The following ROBO1 variants were observed in gnomAD, a reference collection of about 807,000 sequenced individuals.
ROBO1 encodes the protein roundabout guidance receptor 1.
In ROBO1, 149 loss-of-function variants were observed where a neutral mutation model predicts 195.9. That is an observed-to-expected ratio of 0.76 (90% confidence interval 0.67 to 0.87). The LOEUF (loss-of-function observed/expected upper bound fraction) is 0.87, where lower values mean the gene tolerates loss of function less well. Among genes scored for constraint, ROBO1 ranks in the 40% least tolerant of loss-of-function variants. The pLI is 0.00. For missense variants in ROBO1, 1,933 were observed against 2,068.3 expected (o/e 0.93, Z 1.27); for synonymous variants, 816 against 733.2 (o/e 1.11, Z -1.82).
At chr3:79,407,806 TA>T (rs2037607199) in intron 2 of ROBO1, among the ~76,000 whole-genome samples, 1 of 152,124 alleles carries the variant, frequency 6.6e-6, no homozygotes, top group Non-Finnish European at 1.5e-5. Context: ...TTGAGGATGA[TA>T]AAAATAAGCA....
chr3:79,698,924 C>G (rs918773114), intron 1 of ROBO1, among the ~76,000 whole-genome samples: 1 of 151,260 alleles, frequency 6.6e-6, no homozygotes, highest in African/African-American at 2.4e-5. Context: ...TTTGACCTCT[C>G]TAAACACTTG....
intron 1 of ROBO1, among the ~76,000 whole-genome samples, chr3:79,755,617 T>C (rs1336769539): frequency 1.3e-5 from 2 of 152,074 alleles, no homozygotes; most frequent in Non-Finnish European, 2.9e-5. Flanking sequence ...AATAGGAAGA[T>C]GGATTAAAGA....
chr3:79,065,054 A>G (rs1257604236), intron 3 of ROBO1, among the ~76,000 whole-genome samples: 1 of 151,968 alleles, frequency 6.6e-6, no homozygotes, highest in East Asian at 1.9e-4. Context: ...ACAAATTAAA[A>G]ACCTTATAAA....
At chr3:79,695,449 A>G (rs940889766) in intron 1 of ROBO1, among the ~76,000 whole-genome samples, 4 of 151,576 alleles carry the variant, frequency 2.6e-5, no homozygotes, top group African/African-American at 7.3e-5. Context: ...CACTAATCCA[A>G]TATGGGCTAT....
At chr3:78,740,559 C>T (rs2108250459) in intron 5 of ROBO1, among the ~76,000 whole-genome samples, 1 of 151,558 alleles carries the variant, frequency 6.6e-6, no homozygotes, top group East Asian at 2.0e-4. Flanking sequence ...GCAACCTCTG[C>T]CTCCCAGGTT....
At chr3:78,648,492 A>G (rs1706440314) in intron 19 of ROBO1, among the ~76,000 whole-genome samples, 1 of 152,012 alleles carries the variant, frequency 6.6e-6, no homozygotes. Context: ...ATCTTAATCT[A>G]ATCAATAATG....
chr3:78,941,066 C>T (rs1234806027), intron 3 of ROBO1, among the ~76,000 whole-genome samples: 2 of 152,172 alleles, frequency 1.3e-5, no homozygotes, highest in Non-Finnish European at 2.9e-5. Flanking sequence ...TAATTTGTAA[C>T]TACTCCAATT....
At chr3:79,316,429 T>C (rs983863853) in intron 2 of ROBO1, among the ~76,000 whole-genome samples, 1 of 152,106 alleles carries the variant, frequency 6.6e-6, no homozygotes, top group Non-Finnish European at 1.5e-5. Context: ...AGAGAGGGAA[T>C]GGGATCTGGT....
chr3:79,059,729 T>G (rs781396929), intron 3 of ROBO1, among the ~76,000 whole-genome samples: 1 of 152,122 alleles, frequency 6.6e-6, no homozygotes, highest in African/African-American at 2.4e-5. Context: ...TAATTTCCTA[T>G]GCCTGTCTTT....
rs911194357 is a variant in ROBO1 at position 79,006,055 on chromosome 3, C to T, written c.173-67128G>A. 5.9e-5 allele frequency among the ~76,000 whole-genome samples: 9 copies of T among 152,270 alleles called. No individual in the cohort carries two copies. In the East Asian group the frequency reaches 1.5e-3, roughly 26 times the overall value. ...CAGTAGTGCACCTCTTAATAGCAAT[C>T]AGTAAGCTTTAAGCCATTTTGATAA... On this transcript the variant is annotated intron_variant, in intron 3 of 30. Coordinates refer to ENST00000464233, the MANE Select transcript of ROBO1 (RefSeq NM_002941.4).
intron 2 of ROBO1, among the ~76,000 whole-genome samples, chr3:79,349,477 T>C (rs2035258431): frequency 6.6e-6 from 1 of 152,110 alleles, no homozygotes; most frequent in African/African-American, 2.4e-5. Context: ...GATAGATAAA[T>C]AGATGATAGA....
intron 3 of ROBO1, among the ~76,000 whole-genome samples, chr3:78,946,103 G>T (rs563639582): frequency 6.6e-6 from 1 of 152,256 alleles, no homozygotes; most frequent in Non-Finnish European, 1.5e-5. Context: ...ACTCTGCAGG[G>T]TATTATCCAG....
chr3:78,904,051 G>A (rs996794233), intron 4 of ROBO1, among the ~76,000 whole-genome samples: 1 of 151,814 alleles, frequency 6.6e-6, no homozygotes, highest in Non-Finnish European at 1.5e-5. Flanking sequence ...ACCTGACACT[G>A]AATACTCAAT....
chr3:78,885,444 T>C (rs1417475820), intron 4 of ROBO1, among the ~76,000 whole-genome samples: 1 of 75,960 alleles, frequency 1.3e-5, no homozygotes, highest in Admixed American at 1.4e-4. Context: ...AAAAAAAAAC[T>C]GAGAGTTCTC....
At chr3:79,162,675 C>T (rs2080991228) in intron 2 of ROBO1, among the ~76,000 whole-genome samples, 1 of 152,164 alleles carries the variant, frequency 6.6e-6, no homozygotes, top group Non-Finnish European at 1.5e-5. Context: ...TTTGCACCAA[C>T]ATAATACTTT....
chr3:79,632,570 A>G (rs1331755868), intron 1 of ROBO1, among the ~76,000 whole-genome samples: 1 of 152,162 alleles, frequency 6.6e-6, no homozygotes, highest in Non-Finnish European at 1.5e-5. Context: ...TCCAGGCCTC[A>G]CCATTATGCA....
intron 2 of ROBO1, among the ~76,000 whole-genome samples, chr3:79,165,375 G>A (rs1451068367): frequency 2.0e-5 from 3 of 152,160 alleles, no homozygotes; most frequent in Non-Finnish European, 4.4e-5. Context: ...TTGCAAGGTT[G>A]AGTTCTTTCA....
intron 1 of ROBO1, among the ~76,000 whole-genome samples, chr3:79,619,554 C>A (rs900126640): frequency 6.6e-6 from 1 of 152,140 alleles, no homozygotes; most frequent in Admixed American, 6.5e-5. Flanking sequence ...CACACCCAGT[C>A]TGGCTTACAG....
chr3:78,637,182 T>G (rs1180860053), intron 22 of ROBO1, among the ~76,000 whole-genome samples: 3 of 151,674 alleles, frequency 2.0e-5, no homozygotes, highest in Admixed American at 2.0e-4. Flanking sequence ...ATTAACATGT[T>G]TGTTACTAAA....
Sources: gnomAD v4.1 joint callset for allele counts (sites outside exome capture counted in the v4.1 genomes callset) on GRCh38, gnomAD v4.1.1 for gene constraint, MANE v1.5 for transcripts, NCBI Gene and HGNC (gene_info 2026-07-23, HGNC 2026-07-21) for gene names.